The following NDUFAF2 variants were observed in gnomAD, a reference collection of about 807,000 sequenced individuals.
NDUFAF2 encodes NADH dehydrogenase [ubiquinone] 1 alpha subcomplex assembly factor 2.
In NDUFAF2, 13 loss-of-function variants were observed where a neutral mutation model predicts 22.8. That is an observed-to-expected ratio of 0.57 (90% CI 0.37 to 0.91). The LOEUF is 0.91. Among genes scored for constraint, NDUFAF2 ranks in the 40% least tolerant of loss-of-function variants. The probability of loss-of-function intolerance (pLI) is 0.01; values close to 1 mark genes in which losing one functional copy is unlikely to be tolerated. For missense variants in NDUFAF2, 162 were observed against 195.2 expected (o/e 0.83, Z 1.01); for synonymous variants, 53 against 64.2 (o/e 0.83, Z 0.84).
chr5:61,105,285 G>A (rs1176938374), intron 3 of NDUFAF2, among the ~76,000 whole-genome samples: 2 of 151,058 alleles, frequency 1.3e-5, no homozygotes, highest in African/African-American at 4.9e-5. Flanking sequence ...CTAAATAACT[G>A]GCATTCATTG....
At chr5:61,072,096 GAT>G (rs1208522702) in intron 1 of NDUFAF2, among the ~76,000 whole-genome samples, 1 of 152,096 alleles carries the variant, frequency 6.6e-6, no homozygotes, top group East Asian at 1.9e-4. Context: ...TTCCACTCCA[GAT>G]ATTAATCTCT....
At chr5:61,055,615 T>C (rs892419929) in intron 1 of NDUFAF2, among the ~76,000 whole-genome samples, 3 of 152,174 alleles carry the variant, frequency 2.0e-5, no homozygotes, top group Admixed American at 2.0e-4. Flanking sequence ...AGTGGTGCTA[T>C]TGTCACAGAA....
At chr5:61,047,976 C>T (rs1248646724) in intron 1 of NDUFAF2, among the ~76,000 whole-genome samples, 2 of 152,072 alleles carry the variant, frequency 1.3e-5, no homozygotes, top group Non-Finnish European at 2.9e-5. Context: ...AGTTTACTTC[C>T]AAAGCAATTT....
At chr5:61,059,112 A>C (rs989753742) in intron 1 of NDUFAF2, among the ~76,000 whole-genome samples, 2 of 152,050 alleles carry the variant, frequency 1.3e-5, no homozygotes, top group African/African-American at 2.4e-5. Context: ...AATGAAGTAA[A>C]GGCATTTCTA....
intron 1 of NDUFAF2, among the ~76,000 whole-genome samples, chr5:60,984,082 G>A (rs1204399153): frequency 6.6e-6 from 1 of 152,204 alleles, no homozygotes; most frequent in African/African-American, 2.4e-5. Context: ...TCATTGAGCA[G>A]TGGTTTGTAG....
At chr5:60,963,512 G>A (rs1750717676) in intron 1 of NDUFAF2, among the ~76,000 whole-genome samples, 1 of 152,168 alleles carries the variant, frequency 6.6e-6, no homozygotes, top group African/African-American at 2.4e-5. Flanking sequence ...GCGATTGCTT[G>A]TATAGCTAGG....
At chr5:61,141,195 C>A (rs1003233131) in intron 3 of NDUFAF2, among the ~76,000 whole-genome samples, 3 of 150,666 alleles carry the variant, frequency 2.0e-5, no homozygotes, top group African/African-American at 7.3e-5. Context: ...CCATTGCACT[C>A]CAGCCTGGGC....
chr5:61,001,048 C>G (rs1751288988), intron 1 of NDUFAF2, among the ~76,000 whole-genome samples: 1 of 152,110 alleles, frequency 6.6e-6, no homozygotes, highest in African/African-American at 2.4e-5. Context: ...TCTAGCAGCA[C>G]TCTCTTTGGG....
At chr5:61,000,369 G>A (rs1201843739) in intron 1 of NDUFAF2, among the ~76,000 whole-genome samples, 1 of 152,040 alleles carries the variant, frequency 6.6e-6, no homozygotes, top group Non-Finnish European at 1.5e-5. Context: ...TTTACCATGA[G>A]ATTTCTGTGT....
chr5:61,016,192 A>AT (rs537759646), intron 1 of NDUFAF2, among the ~76,000 whole-genome samples: 22,950 of 151,104 alleles, frequency 0.15, 2,073 homozygotes, highest in South Asian at 0.28. Context: ...CTAAAAAAAA[A>AT]ATATATATAT....
At chr5:61,087,072 T>C (rs1752512573) in intron 2 of NDUFAF2, among the ~76,000 whole-genome samples, 1 of 152,136 alleles carries the variant, frequency 6.6e-6, no homozygotes, top group South Asian at 2.1e-4. Flanking sequence ...TATTTAGAAA[T>C]ATGGGACCTT....
rs1752988113 is a variant in NDUFAF2 at position 61,122,466 on chromosome 5, T to C, written c.258+23434T>C. On this transcript the variant is annotated intron_variant, in intron 3 of 3. Coordinates refer to ENST00000296597, the MANE Select transcript of NDUFAF2 (RefSeq NM_174889.5). ...AACAAGAATCCTGATTTGATGTGAA[T>C]TTATACAGAAATAATTCTGAACTCT... 2.0e-5 allele frequency among the ~76,000 whole-genome samples: 3 copies of C among 152,306 alleles called. No homozygotes were observed. The South Asian group carries it at 6.2e-4, about 32-fold the overall frequency.
At chr5:61,090,458 A>G (rs200840798) in intron 2 of NDUFAF2, among the ~76,000 whole-genome samples, 1 of 151,970 alleles carries the variant, frequency 6.6e-6, no homozygotes, top group East Asian at 1.9e-4. Context: ...TGCAACCATT[A>G]AAAAAATGTA....
chr5:61,090,692 A>T (rs1004905664), intron 2 of NDUFAF2, among the ~76,000 whole-genome samples: 1 of 152,224 alleles, frequency 6.6e-6, no homozygotes, highest in East Asian at 1.9e-4. Flanking sequence ...TTTTAAAAAA[A>T]CTTTTATTTT....
chr5:60,979,809 T>G (rs924290589), intron 1 of NDUFAF2, among the ~76,000 whole-genome samples: 3 of 152,170 alleles, frequency 2.0e-5, no homozygotes, highest in Non-Finnish European at 4.4e-5. Context: ...GCCCTTGGAC[T>G]TGAGAGAACA....
chr5:60,949,837 ATTG>A (rs1009754919), intron 1 of NDUFAF2, among the ~76,000 whole-genome samples: 4 of 152,150 alleles, frequency 2.6e-5, no homozygotes, highest in African/African-American at 7.2e-5. Flanking sequence ...ATTATATTGT[ATTG>A]TTATTATAAA....
chr5:60,962,038 A>G (rs981235434), intron 1 of NDUFAF2, among the ~76,000 whole-genome samples: 4 of 152,096 alleles, frequency 2.6e-5, no homozygotes, highest in Non-Finnish European at 5.9e-5. Flanking sequence ...CAATTTATAA[A>G]TACAAATTGT....
At chr5:60,963,333 A>G (rs1750715696) in intron 1 of NDUFAF2, among the ~76,000 whole-genome samples, 1 of 152,254 alleles carries the variant, frequency 6.6e-6, no homozygotes, top group African/African-American at 2.4e-5. Flanking sequence ...TCTGTTAATG[A>G]GTACACAGTC....
intron 3 of NDUFAF2, among the ~76,000 whole-genome samples, chr5:61,110,610 T>C (rs1752828006): frequency 6.6e-6 from 1 of 152,080 alleles, no homozygotes; most frequent in South Asian, 2.1e-4. Context: ...TATTGGCTTA[T>C]AGTTGCTCAT....
Sources: gnomAD v4.1 joint callset for allele counts (sites outside exome capture counted in the v4.1 genomes callset) on GRCh38, gnomAD v4.1.1 for gene constraint, MANE v1.5 for transcripts, NCBI Gene and HGNC (gene_info 2026-07-23, HGNC 2026-07-21) for gene names.